Variants in BMPER observed in about 807,000 individuals in gnomAD.
The protein encoded by BMPER is BMP-binding endothelial regulator protein.
A neutral mutation model predicts 87.3 loss-of-function variants in BMPER; 45 were observed. The observed-to-expected ratio is 0.52, with a 90% CI of 0.41 to 0.66. BMPER has a LOEUF of 0.66. Among genes scored for constraint, BMPER ranks in the 30% least tolerant of loss-of-function variants. The probability of loss-of-function intolerance (pLI) is 0.00; values close to 1 mark genes in which losing one functional copy is unlikely to be tolerated. For missense variants in BMPER, 784 were observed against 867.5 expected (o/e 0.90, Z 1.21); for synonymous variants, 326 against 316.2 (o/e 1.03, Z -0.33).
intron 6 of BMPER, among the ~76,000 whole-genome samples, chr7:34,003,212 T>C (rs1013940743): frequency 1.3e-4 from 19 of 151,724 alleles, no homozygotes; most frequent in South Asian, 8.3e-4. Flanking sequence ...CACACACACA[T>C]ATATATACAC....
intron 2 of BMPER, among the ~76,000 whole-genome samples, chr7:33,934,136 T>C (rs1323866736): frequency 1.3e-5 from 2 of 152,196 alleles, no homozygotes; most frequent in Non-Finnish European, 2.9e-5. Flanking sequence ...AAGGCATGGC[T>C]TTGCGTGTGC....
intron 2 of BMPER, among the ~76,000 whole-genome samples, chr7:33,910,323 C>T (rs1562624585): frequency 2.0e-5 from 3 of 152,200 alleles, no homozygotes; most frequent in African/African-American, 7.2e-5. Flanking sequence ...TAGGAAAACA[C>T]GTTGGTGCCT....
intron 2 of BMPER, 69 bp from the exon 3 acceptor site, chr7:33,937,220 T>G: frequency 1.3e-6 from 2 of 1,499,850 alleles, no homozygotes; most frequent in Non-Finnish European, 1.9e-6. Flanking sequence ...GAAACCTCTG[T>G]GGTGTGTTAG....
Position 34,079,144 on chromosome 7 carries a change from A to C in BMPER, c.1366A>C (p.Ile456Leu). 1 of 1,613,924 alleles carries C rather than the reference A, an allele frequency of 6.2e-7. No homozygotes were observed. Among genetic ancestry groups the C allele is most frequent in the Non-Finnish European group, 8.5e-7 (1 of 1,179,996 alleles). Residue 456 changes from isoleucine (I) to leucine (L), a missense_variant, in exon 12 of 15, where the codon ATC becomes CTC. By Grantham distance (5) the Ile-to-Leu change is conservative. Transcript: ENST00000649409. ...ALPCRAPHFH[I>L]DLDGYLLKVT... The stretch of plus-strand genomic sequence containing the variant: ...CCCCTGCCGCGCGCCACACTTCCAC[A>C]TCGACCTGGATGGCTACCTCTTGAA...
chr7:33,981,921 CTGGTGGCAGGAAGCTG>C (rs745720958), intron 6 of BMPER, among the ~76,000 whole-genome samples: 2 of 152,208 alleles, frequency 1.3e-5, no homozygotes, highest in Admixed American at 6.5e-5. Flanking sequence ...CCCACAAGTT[CTGGTGGCAGGAAGCTG>C]TGGTGGCAGG....
intron 13 of BMPER, among the ~76,000 whole-genome samples, chr7:34,097,727 A>G (rs1220853977): frequency 2.0e-5 from 3 of 152,108 alleles, no homozygotes; most frequent in Admixed American, 6.5e-5. Flanking sequence ...ACAGTCCAGG[A>G]TCATGTGGGT....
chr7:33,931,385 C>G lies in BMPER; in HGVS notation c.220-5904C>G, dbSNP rs1784475133. On this transcript the variant is annotated intron_variant, in intron 2 of 14. Transcript: ENST00000649409. ...AGCTGCCTCTTTGAGGGATCTGAGA[C>G]AGCCTCATTGTGTGCCATTTCTCCA... Among the ~76,000 whole-genome samples the G allele has an allele frequency of 2.0e-5, 3 of 152,218 alleles. No individual in the cohort carries two copies. The South Asian group carries it at 6.2e-4, about 32-fold the overall frequency.
intron 13 of BMPER, among the ~76,000 whole-genome samples, chr7:34,137,099 T>C (rs1360527205): frequency 1.3e-5 from 2 of 152,250 alleles, no homozygotes; most frequent in Non-Finnish European, 2.9e-5. Context: ...CATGAAAAAC[T>C]ATAGGTTTTT....
intron 13 of BMPER, among the ~76,000 whole-genome samples, chr7:34,128,784 G>C (rs1427921875): frequency 6.6e-6 from 1 of 152,120 alleles, no homozygotes; most frequent in Non-Finnish European, 1.5e-5. Context: ...AACTTCCTGA[G>C]AGATAGAAGC....
chr7:34,084,817 T>C (rs1789154895), intron 12 of BMPER, among the ~76,000 whole-genome samples: 1 of 152,330 alleles, frequency 6.6e-6, no homozygotes, highest in African/African-American at 2.4e-5. Context: ...CATTGGCCAG[T>C]GTGGCTCCTG....
At chr7:34,099,364 A>G (rs1354470100) in intron 13 of BMPER, among the ~76,000 whole-genome samples, 4 of 152,252 alleles carry the variant, frequency 2.6e-5, no homozygotes, top group Non-Finnish European at 5.9e-5. Context: ...AAACTATGCT[A>G]AAACACCAGG....
At chr7:34,103,045 A>C (rs1789723782) in intron 13 of BMPER, among the ~76,000 whole-genome samples, 1 of 152,148 alleles carries the variant, frequency 6.6e-6, no homozygotes, top group Non-Finnish European at 1.5e-5. Context: ...GAGTTTGAAA[A>C]ATACAAAGGG....
At chr7:33,983,043 TAGTTG>T (rs1052057665) in intron 6 of BMPER, among the ~76,000 whole-genome samples, 2 of 152,190 alleles carry the variant, frequency 1.3e-5, no homozygotes, top group South Asian at 2.1e-4. Context: ...TTCATGAGCA[TAGTTG>T]AGTTATCTGT....
intron 6 of BMPER, among the ~76,000 whole-genome samples, chr7:34,030,120 A>G (rs1313356942): frequency 6.6e-6 from 1 of 152,056 alleles, no homozygotes; most frequent in African/African-American, 2.4e-5. Context: ...TCTTAAATGG[A>G]ATTTGAAGAC....
intron 6 of BMPER, among the ~76,000 whole-genome samples, chr7:33,976,769 C>A (rs1455772306): frequency 8.5e-5 from 13 of 152,138 alleles, no homozygotes; most frequent in African/African-American, 1.2e-4. Flanking sequence ...CAGTGACAGC[C>A]AGCCAGAGTT....
chr7:33,920,677 G>A (rs1784207929), intron 2 of BMPER, among the ~76,000 whole-genome samples: 1 of 151,598 alleles, frequency 6.6e-6, no homozygotes, highest in African/African-American at 2.4e-5. Context: ...GTCCACCTTG[G>A]CCCCCCCAAA....
chr7:34,122,080 G>A (rs903616967), intron 13 of BMPER, among the ~76,000 whole-genome samples: 4 of 131,364 alleles, frequency 3.0e-5, no homozygotes, highest in Middle Eastern at 7.6e-3. Context: ...GCGTGATTAT[G>A]CCACTGCACT....
chr7:34,053,011 G>A lies in BMPER; in HGVS notation c.786+1041G>A, dbSNP rs145028691. Among the ~76,000 whole-genome samples the A allele has an allele frequency of 4.2e-3, 646 of 152,124 alleles. 6 individuals are homozygous for A. The highest frequency in any genetic ancestry group is 0.014 in the African/African-American group (589 of 41,498). On this transcript the variant is annotated intron_variant, in intron 8 of 14. Coordinates refer to ENST00000649409, the MANE Select transcript of BMPER (RefSeq NM_001365308.1). ...ACTTTTCCTCTCCACTAAGAATTTC[G>A]CAGGAGATAGCTTCCTCTTGGGGAT...
chr7:33,939,369 C>A (rs1246120855), intron 3 of BMPER, among the ~76,000 whole-genome samples: 1 of 152,160 alleles, frequency 6.6e-6, no homozygotes, highest in East Asian at 1.9e-4. Flanking sequence ...TAAGCCTCTT[C>A]TAACCAATCT....
Sources: gnomAD v4.1 joint callset for allele counts (sites outside exome capture counted in the v4.1 genomes callset) on GRCh38, gnomAD v4.1.1 for gene constraint, MANE v1.5 for transcripts, NCBI Gene and HGNC (gene_info 2026-07-23, HGNC 2026-07-21) for gene names.